APC: variants seen among roughly 807,000 people sequenced by gnomAD.
APC encodes the protein adenomatous polyposis coli protein.
Under a neutral mutation model 247.0 loss-of-function variants are expected in APC, and 72 were observed. The ratio of observed to expected loss-of-function variants is 0.29; its 90% confidence interval spans 0.24 to 0.35. The LOEUF (loss-of-function observed/expected upper bound fraction) is 0.35, where lower values mean the gene tolerates loss of function less well. Ranked by LOEUF, APC falls within the 10% of genes least tolerant of loss-of-function variation. The probability of loss-of-function intolerance (pLI) is 1.00; values close to 1 mark genes in which losing one functional copy is unlikely to be tolerated. For missense variants in APC, 3,400 were observed against 3,360.7 expected (o/e 1.01, Z -0.29); for synonymous variants, 1,254 against 1,162.5 (o/e 1.08, Z -1.60).
chr5:112,768,213 T>G (rs1756583571), intron 4 of APC, among the ~76,000 whole-genome samples: 1 of 151,966 alleles, frequency 6.6e-6, no homozygotes, highest in South Asian at 2.1e-4. Flanking sequence ...CTGGCTAATT[T>G]TATATTTTGA....
In APC at chr5:112,839,603, C is replaced by G. The variant is rs1554085448; in HGVS notation, c.4009C>G (p.Leu1337Val). ...SQHPRTKSSR[L>V]QGSSLSSESA... ...GCACCCTAGAACCAAATCCAGCAGA[C>G]TGCAGGGTTCTAGTTTATCTTCAGA... Residue 1337 changes from leucine to valine, a missense_variant, in exon 16 of 16, where the codon CTG becomes GTG. Physicochemically the swap from Leu to Val is conservative, Grantham distance 32. Transcript: ENST00000257430. The surrounding 1 kb of genome is among the most constrained non-coding windows in gnomAD (Gnocchi z 5.0). 6.2e-7 allele frequency: 1 copy of G among 1,614,174 alleles called. No homozygotes were observed. The highest frequency in any genetic ancestry group is 8.5e-7 in the Non-Finnish European group (1 of 1,180,018).
chr5:112,745,878 TAAC>T (rs1327344731), intron 1 of APC, among the ~76,000 whole-genome samples: 2 of 151,884 alleles, frequency 1.3e-5, no homozygotes, highest in African/African-American at 4.8e-5. Flanking sequence ...CTATTAAAAA[TAAC>T]AAAGTAAACC....
chr5:112,836,403 C>T (rs918568748), intron 15 of APC, among the ~76,000 whole-genome samples: 1 of 152,112 alleles, frequency 6.6e-6, no homozygotes. Flanking sequence ...CCTAGTCTCC[C>T]TTTCTGCTAT....
At chr5:112,796,252 C>T (rs186044359) in intron 7 of APC, among the ~76,000 whole-genome samples, 7 of 152,232 alleles carry the variant, frequency 4.6e-5, no homozygotes, top group Non-Finnish European at 1.0e-4. Context: ...TGAAATGAAG[C>T]ATTCAACTGA....
intron 6 of APC, among the ~76,000 whole-genome samples, chr5:112,782,136 C>T (rs1758418767): frequency 6.6e-6 from 1 of 152,158 alleles, no homozygotes; most frequent in Non-Finnish European, 1.5e-5. Context: ...GGAATCCTCA[C>T]AATCATGGTG....
At chr5:112,770,705 AC>A (rs1289030452) in intron 4 of APC, among the ~76,000 whole-genome samples, 5 of 152,004 alleles carry the variant, frequency 3.3e-5, no homozygotes, top group African/African-American at 1.2e-4. Flanking sequence ...TACTTCTATA[AC>A]TCTAAATAAT....
intron 1 of APC, 30 bp from the exon 2 acceptor site, chr5:112,754,843 T>G: frequency 6.2e-7 from 1 of 1,610,602 alleles, no homozygotes; most frequent in Non-Finnish European, 8.5e-7. Context: ...TTTTTAGTAG[T>G]GAATTTCAAA....
chr5:112,746,278 C>G (rs369988437), intron 1 of APC, among the ~76,000 whole-genome samples: 2 of 151,856 alleles, frequency 1.3e-5, no homozygotes, highest in African/African-American at 4.8e-5. Flanking sequence ...TTTGAGTATC[C>G]GTCACTTTGA....
chr5:112,838,490 A>G lies in APC; in HGVS notation c.2896A>G (p.Ser966Gly), dbSNP rs2149879693. 6.2e-7 allele frequency: 1 copy of G among 1,614,242 alleles called. No individual in the cohort carries two copies. Among genetic ancestry groups the G allele is most frequent in the South Asian group, 1.1e-5 (1 of 91,084 alleles). The stretch of plus-strand genomic sequence containing the variant: ...GAGATCTTCAAATGATAGTTTAAAT[A>G]GTGTCAGTAGTAGTGATGGTTATGG... The part of the protein sequence containing the change: ...YKRSSNDSLN[S>G]VSSSDGYGKR... The change falls in exon 16 of 16, where the codon AGT becomes GGT. Residue 966 changes from serine to glycine, a missense_variant. Coordinates refer to ENST00000257430, the MANE Select transcript of APC (RefSeq NM_000038.6).
Position 112,827,093 on chromosome 5 carries a change from C to T in APC, c.1409-15C>T, listed in dbSNP as rs1763752540. The T allele has an allele frequency of 6.2e-7, 1 of 1,612,888 alleles. No individual in the cohort carries two copies. The highest frequency in any genetic ancestry group is 8.5e-7 in the Non-Finnish European group (1 of 1,179,486). ...TTAGATGATTGTCTTTTTCCTCTTG[C>T]CCTTTTTAAATTAGGGGGACTACAG... On this transcript the variant is annotated splice_polypyrimidine_tract_variant and intron_variant, in intron 11 of 15. Transcript: ENST00000257430.
At position 112,753,585 on chromosome 5, in the gene APC, T is replaced by C. The variant is rs11241183; in HGVS notation, c.-18-1288T>C. Among the ~76,000 whole-genome samples, 60,882 of 151,890 alleles carry C rather than the reference T, an allele frequency of 0.4. 14,689 individuals are homozygous for C. The highest frequency in any genetic ancestry group is 0.66 in the East Asian group (3,395 of 5,164). ...CTCAATTTTTTTCAACCAAAGACTT[T>C]TGTAGGTGATCCCTGCCTGCAGGAC... On this transcript the variant is annotated intron_variant, in intron 1 of 15. Coordinates refer to ENST00000257430, the MANE Select transcript of APC (RefSeq NM_000038.6).
At chr5:112,714,180 G>A (rs1042401658) in intron 1 of APC, among the ~76,000 whole-genome samples, 1 of 152,042 alleles carries the variant, frequency 6.6e-6, no homozygotes, top group Non-Finnish European at 1.5e-5. Flanking sequence ...GGAGATGTTT[G>A]GAAATACTAT....
At chr5:112,779,899 A>G (rs549189751) in intron 5 of APC, among the ~76,000 whole-genome samples, 2 of 152,324 alleles carry the variant, frequency 1.3e-5, no homozygotes, top group South Asian at 4.1e-4. Flanking sequence ...GAGTTCTTGG[A>G]CCAGAATGCC....
rs1337548978 is a variant in APC at position 112,707,613 on chromosome 5, G to A, written c.-105G>A. On this transcript the variant is annotated 5_prime_UTR_variant, in exon 1 of 14. Coordinates refer to the APC transcript ENST00000507379. ...GGGGGACCTGCGGGCTCAGGCCCGGGAGCTGCGGACCGAGGTTGGCTCGAT... is the reference window on the plus strand; with the variant it reads ...GGGGGACCTGCGGGCTCAGGCCCGGAAGCTGCGGACCGAGGTTGGCTCGAT... The A allele has an allele frequency of 8.1e-7, 1 of 1,239,034 alleles. No homozygotes were observed. Among genetic ancestry groups the A allele is most frequent in the Non-Finnish European group, 1.1e-6 (1 of 927,178 alleles). 76.8% of individuals were successfully genotyped at this position (1,239,034 alleles called of 1,614,324 possible). A position where few individuals can be genotyped will look rare whatever the true frequency, so the allele number is the denominator to read the frequency against.
chr5:112,709,253 T>A (rs1311074430), intron 1 of APC, among the ~76,000 whole-genome samples: 1 of 152,208 alleles, frequency 6.6e-6, no homozygotes, highest in Non-Finnish European at 1.5e-5. Context: ...CCTGGCAGAT[T>A]TGTTTACTTT....
intron 1 of APC, among the ~76,000 whole-genome samples, chr5:112,727,782 G>A (rs1255800052): frequency 6.6e-6 from 1 of 151,934 alleles, no homozygotes; most frequent in African/African-American, 2.4e-5. Flanking sequence ...CTTCTCAGTG[G>A]TAAAATGATA....
rs1750593254 is a variant in APC at position 112,707,652 on chromosome 5, A to T, written c.-66A>T. 7.4e-7 allele frequency: 1 copy of T among 1,357,950 alleles called. No individual in the cohort carries two copies. Among genetic ancestry groups the T allele is most frequent in the Non-Finnish European group, 9.7e-7 (1 of 1,028,042 alleles). 84.1% of individuals were successfully genotyped at this position (1,357,950 alleles called of 1,614,324 possible). On this transcript the variant is annotated 5_prime_UTR_variant, in exon 1 of 14. Transcript: ENST00000507379. ...GGTTGGCTCGATGCTGTTCCCAGGT[A>T]CTGTTGTTGGCTGTTGGTGAGGAAG...
At chr5:112,711,981 A>G (rs927618340) in intron 1 of APC, among the ~76,000 whole-genome samples, 1 of 152,226 alleles carries the variant, frequency 6.6e-6, no homozygotes, top group South Asian at 2.1e-4. Flanking sequence ...CCTTTTCCCA[A>G]GAATCCTAAG....
intron 4 of APC, among the ~76,000 whole-genome samples, chr5:112,771,964 G>T (rs1004888447): frequency 6.6e-6 from 1 of 152,112 alleles, no homozygotes; most frequent in South Asian, 2.1e-4. Flanking sequence ...TGAGAATAAC[G>T]ACCTCAAAGG....
Sources: allele counts gnomAD v4.1 joint callset (sites outside exome capture counted in the v4.1 genomes callset), GRCh38; gene constraint gnomAD v4.1.1; non-coding constraint Gnocchi (gnomAD v3.1); transcripts MANE v1.5; gene names NCBI Gene and HGNC (gene_info 2026-07-23, HGNC 2026-07-21).